Variants in ADAM10 observed in about 807,000 individuals in gnomAD.
ADAM10 encodes the protein ADAM metallopeptidase domain 10, also known as disintegrin and metalloproteinase domain-containing protein 10.
Under a neutral mutation model 90.1 loss-of-function variants are expected in ADAM10, and 17 were observed. The ratio of observed to expected loss-of-function variants is 0.19; its 90% CI spans 0.13 to 0.28. The LOEUF is 0.28. Ranked by LOEUF, ADAM10 falls within the 10% of genes least tolerant of loss-of-function variation. The probability of loss-of-function intolerance (pLI) is 1.00; values close to 1 mark genes in which losing one functional copy is unlikely to be tolerated. For synonymous variants in ADAM10, 310 were observed against 298.6 expected, an observed-to-expected ratio of 1.04 and a Z score of -0.40; for missense variants, 610 against 914.3, an observed-to-expected ratio of 0.67 and a Z score of 4.29.
intron 2 of ADAM10, among the ~76,000 whole-genome samples, chr15:58,704,600 G>C (rs1487884229): frequency 6.6e-6 from 1 of 152,034 alleles, no homozygotes; most frequent in African/African-American, 2.4e-5. Flanking sequence ...AAAAAGCTGG[G>C]GTATAAAATC....
Position 58,590,995 on chromosome 15 carries a change from A to G in ADAM10, c.*6552T>C, listed in dbSNP as rs1894812996. On this transcript the variant is annotated 3_prime_UTR_variant, in exon 16 of 16. Coordinates refer to ENST00000260408, the MANE Select transcript of ADAM10 (RefSeq NM_001110.4). ...CATGATCATTTAAACAAGAGAGGGCAGAAGAATCTAGTTTATTGTAGTGAG... is the reference window on the plus strand; with the variant it reads ...CATGATCATTTAAACAAGAGAGGGCGGAAGAATCTAGTTTATTGTAGTGAG... The G allele has an allele frequency of 6.6e-6, 1 of 152,248 alleles. No individual in the cohort carries two copies. The highest frequency in any genetic ancestry group is 2.4e-5 in the African/African-American group (1 of 41,472). 9.4% of individuals were successfully genotyped at this position (152,248 alleles called of 1,614,324 possible). A position where few individuals can be genotyped will look rare whatever the true frequency, so the allele number is the denominator to read the frequency against.
At position 58,665,083 on chromosome 15, in the gene ADAM10, G is replaced by C; in HGVS notation, c.585+14C>G. On this transcript the variant is annotated intron_variant, in intron 5 of 15. Transcript: ENST00000260408. Reference sequence around the variant, plus strand: ...TTCCATTTCCTAAATGCAAGCTAGTGTTAAAATCCTTACCTGTGTTACTTC... The same window carrying C: ...TTCCATTTCCTAAATGCAAGCTAGTCTTAAAATCCTTACCTGTGTTACTTC... 6.4e-7 allele frequency: 1 copy of C among 1,560,210 alleles called. No homozygotes were observed. Among genetic ancestry groups the C allele is most frequent in the Non-Finnish European group, 8.8e-7 (1 of 1,131,280 alleles).
At chr15:58,723,528 T>C (rs56935364) in intron 1 of ADAM10, among the ~76,000 whole-genome samples, 9,062 of 151,628 alleles carry the variant, frequency 0.06, 916 homozygotes, top group African/African-American at 0.21. Flanking sequence ...GTGAAACCCA[T>C]AGTCTCTACT....
intron 10 of ADAM10, among the ~76,000 whole-genome samples, chr15:58,627,365 C>T (rs1452208314): frequency 6.6e-6 from 1 of 152,062 alleles, no homozygotes; most frequent in African/African-American, 2.4e-5. Flanking sequence ...ATGCATCTGT[C>T]AAAACTCATC....
intron 10 of ADAM10, among the ~76,000 whole-genome samples, chr15:58,622,753 G>A (rs1320738801): frequency 3.3e-5 from 5 of 152,108 alleles, no homozygotes; most frequent in Non-Finnish European, 7.4e-5. Context: ...AAAGTTCTTT[G>A]ATTTTTGTCA....
intron 2 of ADAM10, among the ~76,000 whole-genome samples, chr15:58,707,599 G>C (rs1288066023): frequency 6.6e-6 from 1 of 152,096 alleles, no homozygotes. Flanking sequence ...TGAGTCTCAC[G>C]TAAAGGAGGG....
At chr15:58,697,508 AG>A (rs1198498172) in intron 2 of ADAM10, among the ~76,000 whole-genome samples, 2 of 152,150 alleles carry the variant, frequency 1.3e-5, no homozygotes, top group Admixed American at 6.5e-5. Context: ...CCTGAGATTT[AG>A]CCCACTCAAT....
At chr15:58,735,619 G>A (rs1257974434) in intron 1 of ADAM10, among the ~76,000 whole-genome samples, 2 of 152,032 alleles carry the variant, frequency 1.3e-5, no homozygotes, top group African/African-American at 4.8e-5. Context: ...GTGTTGTGTA[G>A]GGAATAATAA....
Position 58,611,113 on chromosome 15 carries a change from A to G in ADAM10, c.1696-6T>C. On this transcript the variant is annotated splice_region_variant and splice_polypyrimidine_tract_variant and intron_variant, in intron 12 of 15. Transcript: ENST00000260408. ...CAGATAGAACCTGCACATTGCTAGA[A>G]GAAAAATAAAAGACAAATTGTTTAA... 6.2e-7 allele frequency: 1 copy of G among 1,606,888 alleles called. No homozygotes were observed.
chr15:58,598,450 T>C (rs1189625948), intron 15 of ADAM10, among the ~76,000 whole-genome samples: 1 of 152,232 alleles, frequency 6.6e-6, no homozygotes, highest in Non-Finnish European at 1.5e-5. Context: ...CTCACTAAGA[T>C]ACTGTCCTAG....
chr15:58,706,966 G>A (rs1159711410), intron 2 of ADAM10, among the ~76,000 whole-genome samples: 5 of 142,516 alleles, frequency 3.5e-5, no homozygotes, highest in Admixed American at 2.2e-4. Context: ...CTGAGATCGC[G>A]CCATTGCACT....
At chr15:58,657,186 C>T (rs1896848617) in intron 5 of ADAM10, among the ~76,000 whole-genome samples, 1 of 152,100 alleles carries the variant, frequency 6.6e-6, no homozygotes, top group South Asian at 2.1e-4. Flanking sequence ...GGGTTAAATA[C>T]GCTTGGTGCT....
At chr15:58,672,978 A>T in intron 4 of ADAM10, 1 of 212,746 alleles carries the variant, frequency 4.7e-6, no homozygotes, top group Non-Finnish European at 1.0e-5. Context: ...ATTATTTAGC[A>T]CCCCTGTACA....
chr15:58,722,398 G>C (rs1245042929), intron 1 of ADAM10, among the ~76,000 whole-genome samples: 1 of 151,548 alleles, frequency 6.6e-6, no homozygotes, highest in Admixed American at 6.6e-5. Flanking sequence ...AACTAGCCAG[G>C]AATGATGGCA....
intron 11 of ADAM10, among the ~76,000 whole-genome samples, chr15:58,615,774 GAGGCGGGCAGATCACCTGAGGTC>G (rs1566968305): frequency 2.0e-5 from 3 of 152,198 alleles, no homozygotes; most frequent in Admixed American, 2.0e-4. Flanking sequence ...TTGGGAGGCC[GAGGCGGGCAGATCACCTGAGGTC>G]AGGAGTTCAA....
intron 8 of ADAM10, among the ~76,000 whole-genome samples, chr15:58,637,401 CAA>C (rs1369048104): frequency 6.6e-6 from 1 of 152,042 alleles, no homozygotes; most frequent in African/African-American, 2.4e-5. Flanking sequence ...AAAAGAAGGG[CAA>C]AGACAGAACT....
chr15:58,696,279 C>A (rs1897975300), intron 2 of ADAM10, among the ~76,000 whole-genome samples: 2 of 138,828 alleles, frequency 1.4e-5, no homozygotes, highest in Non-Finnish European at 1.6e-5. Flanking sequence ...CAGAGTGAGA[C>A]CCTGTCTCAA....
rs150340630 is a variant in ADAM10, at chr15:58,595,038, C to T, written c.*2509G>A. 116 of 152,090 alleles carry T rather than the reference C, an allele frequency of 7.6e-4. No homozygotes were observed. The highest frequency in any genetic ancestry group is 2.7e-3 in the African/African-American group (112 of 41,512). 9.4% of individuals were successfully genotyped at this position (152,090 alleles called of 1,614,324 possible). ...AAAAATGATGGCTCAAAATTTTAAA[C>T]AAACTTATCATTAAACTAGGCTTTT... On this transcript the variant is annotated 3_prime_UTR_variant, in exon 16 of 16. Transcript: ENST00000260408.
intron 1 of ADAM10, among the ~76,000 whole-genome samples, chr15:58,744,757 C>A (rs1253056720): frequency 1.3e-5 from 2 of 152,228 alleles, no homozygotes; most frequent in East Asian, 1.9e-4. Context: ...CACCTGTAAT[C>A]CCAGCACTTT....
Sources: allele counts gnomAD v4.1 joint callset (sites outside exome capture counted in the v4.1 genomes callset), GRCh38; gene constraint gnomAD v4.1.1; transcripts MANE v1.5; gene names NCBI Gene and HGNC (gene_info 2026-07-23, HGNC 2026-07-21).